ICE2: variants seen among roughly 807,000 people sequenced by gnomAD.
ICE2 encodes the protein little elongation complex subunit 2.
Under a neutral mutation model 105.4 loss-of-function variants are expected in ICE2, and 87 were observed. The ratio of observed to expected loss-of-function variants is 0.83; its 90% confidence interval spans 0.69 to 0.99. The LOEUF (loss-of-function observed/expected upper bound fraction) is 0.99. Among genes scored for constraint, ICE2 ranks in the 50% least tolerant of loss-of-function variants. ICE2 has a pLI of 0.00. For missense variants in ICE2, 1,323 were observed against 1,146.7 expected, an observed-to-expected ratio of 1.15 and a Z score of -2.22; for synonymous variants, 399 against 392.0, an observed-to-expected ratio of 1.02 and a Z score of -0.21.
intron 3 of ICE2, among the ~76,000 whole-genome samples, chr15:60,474,631 T>A (rs1392477955): frequency 6.6e-6 from 1 of 152,208 alleles, no homozygotes; most frequent in Non-Finnish European, 1.5e-5. Context: ...TACATTTAAG[T>A]TATTGATAGG....
At chr15:60,435,364 C>A (rs1211627417) in intron 13 of ICE2, among the ~76,000 whole-genome samples, 1 of 151,748 alleles carries the variant, frequency 6.6e-6, no homozygotes, top group Non-Finnish European at 1.5e-5. Flanking sequence ...CTTTGGGAGG[C>A]CGAGGCAGGA....
intron 5 of ICE2, among the ~76,000 whole-genome samples, chr15:60,465,418 T>C (rs1595810764): frequency 6.6e-6 from 1 of 152,208 alleles, no homozygotes; most frequent in East Asian, 1.9e-4. Flanking sequence ...TTCAAATTAC[T>C]GGGCTCAATC....
intron 13 of ICE2, among the ~76,000 whole-genome samples, chr15:60,435,679 A>C (rs1012683592): frequency 6.6e-6 from 1 of 150,854 alleles, no homozygotes; most frequent in African/African-American, 2.4e-5. Context: ...AACAAAACAA[A>C]CAGTACATAC....
intron 11 of ICE2, among the ~76,000 whole-genome samples, chr15:60,444,576 C>G (rs1341356332): frequency 6.6e-6 from 1 of 152,162 alleles, no homozygotes; most frequent in Non-Finnish European, 1.5e-5. Flanking sequence ...TTGAGACAGA[C>G]AGTAATAGAT....
In ICE2 at chr15:60,442,439, T is replaced by C; in HGVS notation, c.2402A>G (p.His801Arg). Residue 801 changes from histidine to arginine, a missense_variant, in exon 12 of 16, where the codon CAT (histidine) becomes CGT (arginine). Physicochemically the swap from His to Arg is conservative, Grantham distance 29. Transcript: ENST00000261520. ...LCRLWTESLL[H>R]SNSSFYVGHI... ...ACCAACATAAAATGAGCTGTTGGAA[T>C]GCAATAAACTTTCAGTCCATAAGCG... 6.3e-7 allele frequency: 1 copy of C among 1,588,010 alleles called. No individual in the cohort carries two copies. The highest frequency in any genetic ancestry group is 1.2e-5 in the South Asian group (1 of 84,842).
rs754781250 is a variant in ICE2, at chr15:60,466,732, G to A, written c.409-19C>T. On this transcript the variant is annotated intron_variant, in intron 4 of 15. Transcript: ENST00000261520. ...TCATATCCTGATTTTTAAAAAAGTA[G>A]ACATGTCTTGGGATAAAAAGTTTCA... 2.2e-5 allele frequency: 35 copies of A among 1,578,042 alleles called. 1 individual carries two copies. The Middle Eastern group carries it at 3.7e-3, about 167-fold the overall frequency.
intron 9 of ICE2, chr15:60,452,956 T>A: frequency 1.0e-6 from 1 of 985,334 alleles, no homozygotes; most frequent in Non-Finnish European, 1.2e-6. Flanking sequence ...ATGGGTCAGG[T>A]GCAGTGGCTG....
At chr15:60,474,966 A>G (rs1188313506) in intron 3 of ICE2, among the ~76,000 whole-genome samples, 1 of 152,180 alleles carries the variant, frequency 6.6e-6, no homozygotes, top group Non-Finnish European at 1.5e-5. Flanking sequence ...TCAAAAACAA[A>G]ACAAAAACGA....
chr15:60,423,644 T>A lies in ICE2; in HGVS notation c.2939A>T (p.Lys980Ile), dbSNP rs1223845866. 1.2e-6 allele frequency: 2 copies of A among 1,608,496 alleles called. No individual in the cohort carries two copies. The highest frequency in any genetic ancestry group is 1.7e-6 in the Non-Finnish European group (2 of 1,178,524). Residue 980 changes from lysine (K) to isoleucine (I), a missense_variant, in exon 16 of 16, where the codon AAA becomes ATA. Lys to Ile is a moderately radical substitution (Grantham distance 102, BLOSUM62 -3). Coordinates refer to ENST00000261520, the MANE Select transcript of ICE2 (RefSeq NM_024611.6). ...TCCATGGTACAGTCCTCAAGTTATTTTTCTTTTATGTGGAGCCACTCCTTC... is the reference window on the plus strand; with the variant it reads ...TCCATGGTACAGTCCTCAAGTTATTATTCTTTTATGTGGAGCCACTCCTTC... ...ETEGVAPHKR[K>I]IT
At chr15:60,468,015 C>G in intron 4 of ICE2, 46 bp downstream of exon 4, 1 of 1,434,736 alleles carries the variant, frequency 7.0e-7, no homozygotes, top group Non-Finnish European at 9.3e-7. Flanking sequence ...AAAATATTTC[C>G]TAATTTTTAT....
intron 12 of ICE2, chr15:60,439,144 A>C (rs889306678): frequency 6.6e-6 from 1 of 152,232 alleles, no homozygotes; most frequent in Non-Finnish European, 1.5e-5. Context: ...CAATTGTAAC[A>C]ATCAATAGGG....
intron 3 of ICE2, among the ~76,000 whole-genome samples, chr15:60,471,462 T>C (rs2064591679): frequency 1.3e-5 from 2 of 152,206 alleles, no homozygotes; most frequent in African/African-American, 4.8e-5. Context: ...TATGAGAACA[T>C]GTCCGTCCTT....
At position 60,425,130 on chromosome 15, in the gene ICE2, G is replaced by A. The variant is rs572601895; in HGVS notation, c.2821-1368C>T. Among the ~76,000 whole-genome samples, 16 of 152,234 alleles carry A rather than the reference G, an allele frequency of 1.1e-4. 1 individual carries two copies. The highest frequency in any genetic ancestry group is 5.9e-4 in the Admixed American group (9 of 15,296). ...AAGGGGTTACAGACTCACTGAAAAA[G>A]CTCGGACTCTGGCTTCCTTTATTTA... is the stretch of plus-strand genomic sequence containing the variant. On this transcript the variant is annotated intron_variant, in intron 15 of 15. Coordinates refer to ENST00000261520, the MANE Select transcript of ICE2 (RefSeq NM_024611.6).
intron 14 of ICE2, among the ~76,000 whole-genome samples, chr15:60,431,448 G>A (rs149334709): frequency 4.6e-5 from 7 of 152,284 alleles, no homozygotes; most frequent in African/African-American, 1.4e-4. Context: ...AATGTGATGC[G>A]ACGCAGAGAT....
At chr15:60,425,696 T>C (rs2063325976) in intron 15 of ICE2, among the ~76,000 whole-genome samples, 1 of 152,188 alleles carries the variant, frequency 6.6e-6, no homozygotes, top group Admixed American at 6.5e-5. Flanking sequence ...GCAGAAACGT[T>C]TGAACAAATT....
At chr15:60,428,110 T>C (rs2063377075) in intron 15 of ICE2, among the ~76,000 whole-genome samples, 1 of 152,158 alleles carries the variant, frequency 6.6e-6, no homozygotes, top group African/African-American at 2.4e-5. Flanking sequence ...AAATAAAAAT[T>C]ACAAAAAACC....
intron 15 of ICE2, among the ~76,000 whole-genome samples, chr15:60,424,420 A>ATGGGCAAAGGGGAAGACGGGGATTAGAG (rs56371232): frequency 1.3e-5 from 2 of 149,448 alleles, no homozygotes; most frequent in South Asian, 2.1e-4. Context: ...AATACAGAGG[A>ATGGGCAAAGGGGAAGACGGGGATTAGAG]TGGGGGAAGG....
In ICE2 at chr15:60,468,332, A is replaced by G; in HGVS notation, c.147-10T>C. 1 of 1,585,606 alleles carries G rather than the reference A, an allele frequency of 6.3e-7. No homozygotes were observed. The highest frequency in any genetic ancestry group is 8.6e-7 in the Non-Finnish European group (1 of 1,161,042). On this transcript the variant is annotated splice_polypyrimidine_tract_variant and intron_variant, in intron 3 of 15. Coordinates refer to ENST00000261520, the MANE Select transcript of ICE2 (RefSeq NM_024611.6). Reference sequence around the variant, plus strand: ...ATTTTCTCCTATACGTCTGGAAAACAAAATATAATTTACAAATATGTGCTT... The same window carrying G: ...ATTTTCTCCTATACGTCTGGAAAACGAAATATAATTTACAAATATGTGCTT...
intron 3 of ICE2, among the ~76,000 whole-genome samples, chr15:60,473,447 C>G (rs2064666634): frequency 1.3e-5 from 2 of 152,118 alleles, no homozygotes. Flanking sequence ...CACACAACCA[C>G]CACACCTGGC....
Sources: gnomAD v4.1 joint callset for allele counts (sites outside exome capture counted in the v4.1 genomes callset) on GRCh38, gnomAD v4.1.1 for gene constraint, MANE v1.5 for transcripts, NCBI Gene and HGNC (gene_info 2026-07-23, HGNC 2026-07-21) for gene names.